The following SGCZ variants were observed in gnomAD, a reference collection of about 807,000 sequenced individuals.
SGCZ encodes the protein sarcoglycan zeta, also known as zeta-sarcoglycan.
Under a neutral mutation model 41.3 loss-of-function variants are expected in SGCZ, and 40 were observed. The ratio of observed to expected loss-of-function variants is 0.97; its 90% confidence interval spans 0.75 to 1.26. SGCZ has a LOEUF of 1.26. Among genes scored for constraint, SGCZ ranks in the 50% most tolerant of loss-of-function variants. The pLI is 0.00. For synonymous variants in SGCZ, 206 were observed against 137.5 expected, an observed-to-expected ratio of 1.50 and a Z score of -3.49; for missense variants, 552 against 369.8, an observed-to-expected ratio of 1.49 and a Z score of -4.04.
At chr8:14,311,907 C>G (rs937807716) in intron 3 of SGCZ, among the ~76,000 whole-genome samples, 3 of 152,032 alleles carry the variant, frequency 2.0e-5, no homozygotes, top group Admixed American at 6.6e-5. Flanking sequence ...GATTGCTGCT[C>G]TATAGAATAT....
At chr8:15,097,822 G>A (rs4517125) in intron 1 of SGCZ, among the ~76,000 whole-genome samples, 69,588 of 99,420 alleles carry the variant, frequency 0.7, 22,062 homozygotes, top group Middle Eastern at 0.84. Flanking sequence ...ATACGTGTGT[G>A]TATATATATA....
At chr8:14,175,861 A>G (rs1485881363) in intron 4 of SGCZ, among the ~76,000 whole-genome samples, 1 of 152,144 alleles carries the variant, frequency 6.6e-6, no homozygotes, top group African/African-American at 2.4e-5. Context: ...AAATTCAAAA[A>G]TAATTAAATT....
chr8:14,394,395 C>A (rs187019275), intron 2 of SGCZ, among the ~76,000 whole-genome samples: 10 of 152,022 alleles, frequency 6.6e-5, no homozygotes, highest in African/African-American at 2.2e-4. Context: ...GTGATCCACC[C>A]GCCTCGGCCT....
At chr8:15,152,809 C>T (rs1243866073) in intron 1 of SGCZ, among the ~76,000 whole-genome samples, 3 of 152,168 alleles carry the variant, frequency 2.0e-5, no homozygotes, top group Non-Finnish European at 4.4e-5. Context: ...AATACCTACA[C>T]CCTCCTAAGT....
chr8:14,659,289 G>C (rs548741354), intron 1 of SGCZ, among the ~76,000 whole-genome samples: 3 of 152,046 alleles, frequency 2.0e-5, no homozygotes, highest in Non-Finnish European at 4.4e-5. Flanking sequence ...TGAATATGGT[G>C]ATTAACCCGA....
intron 4 of SGCZ, among the ~76,000 whole-genome samples, chr8:14,209,908 T>G (rs985328412): frequency 1.3e-5 from 2 of 152,196 alleles, no homozygotes; most frequent in Non-Finnish European, 2.9e-5. Flanking sequence ...ATGAATTAGT[T>G]AAAATAATTC....
chr8:14,742,137 T>C (rs534871542), intron 1 of SGCZ, among the ~76,000 whole-genome samples: 1 of 152,118 alleles, frequency 6.6e-6, no homozygotes, highest in African/African-American at 2.4e-5. Flanking sequence ...ACAAGAAACA[T>C]GAGCCTAAAG....
chr8:14,127,191 A>C (rs1056616273), intron 5 of SGCZ, among the ~76,000 whole-genome samples: 1 of 152,112 alleles, frequency 6.6e-6, no homozygotes, highest in African/African-American at 2.4e-5. Context: ...TAAATAAATG[A>C]GGCTGAATTA....
At chr8:14,976,027 T>C (rs895705747) in intron 1 of SGCZ, among the ~76,000 whole-genome samples, 14 of 143,910 alleles carry the variant, frequency 9.7e-5, no homozygotes. Context: ...CACATATATA[T>C]TTTTTTTTTT....
intron 4 of SGCZ, among the ~76,000 whole-genome samples, chr8:14,226,308 T>A (rs1287266958): frequency 1.3e-5 from 2 of 152,096 alleles, no homozygotes; most frequent in Non-Finnish European, 2.9e-5. Context: ...ACATGCAGAT[T>A]GCTGTGTAAT....
chr8:14,858,770 G>A (rs1193651735), intron 1 of SGCZ, among the ~76,000 whole-genome samples: 1 of 152,058 alleles, frequency 6.6e-6, no homozygotes, highest in East Asian at 1.9e-4. Context: ...AATTTTCTAA[G>A]TAGTGACACA....
chr8:14,637,073 G>A (rs1342770151), intron 1 of SGCZ, among the ~76,000 whole-genome samples: 4 of 150,578 alleles, frequency 2.7e-5, no homozygotes, highest in African/African-American at 9.8e-5. Context: ...TTCTGGATTC[G>A]TGTTTCACTC....
intron 1 of SGCZ, among the ~76,000 whole-genome samples, chr8:15,154,630 G>A (rs1320322160): frequency 6.6e-6 from 1 of 152,184 alleles, no homozygotes; most frequent in Non-Finnish European, 1.5e-5. Flanking sequence ...TAAGTAACAG[G>A]TGATCAATAT....
intron 1 of SGCZ, among the ~76,000 whole-genome samples, chr8:15,167,354 T>C (rs866402648): frequency 2.0e-5 from 3 of 152,210 alleles, no homozygotes; most frequent in Admixed American, 6.5e-5. Flanking sequence ...CACGTCCTCA[T>C]CTACGTAGTC....
intron 1 of SGCZ, chr8:14,853,453 C>G (rs768841215): frequency 1.9e-6 from 1 of 532,648 alleles, no homozygotes; most frequent in Non-Finnish European, 3.9e-6. Flanking sequence ...TCTGACCAGG[C>G]AGTGCTGTGG....
At chr8:14,458,356 A>C (rs1365460223) in intron 2 of SGCZ, among the ~76,000 whole-genome samples, 1 of 152,330 alleles carries the variant, frequency 6.6e-6, no homozygotes, top group Non-Finnish European at 1.5e-5. Context: ...AAAGACAAAA[A>C]TGACCGTAAA....
At chr8:15,099,911 G>C (rs999377444) in intron 1 of SGCZ, among the ~76,000 whole-genome samples, 3 of 151,566 alleles carry the variant, frequency 2.0e-5, no homozygotes, top group Admixed American at 1.3e-4. Context: ...ATACTTTCAT[G>C]ATAAAAACTC....
chr8:14,255,445 T>C (rs1243798180), intron 3 of SGCZ, among the ~76,000 whole-genome samples: 1 of 152,144 alleles, frequency 6.6e-6, no homozygotes, highest in Non-Finnish European at 1.5e-5. Flanking sequence ...CTGCTTCTAA[T>C]GCCCAACACC....
intron 1 of SGCZ, among the ~76,000 whole-genome samples, chr8:15,018,456 A>C (rs1440218613): frequency 6.6e-6 from 1 of 152,224 alleles, no homozygotes; most frequent in African/African-American, 2.4e-5. Flanking sequence ...TAGTCAGGAA[A>C]TGCCTCTCTG....
Sources: allele counts gnomAD v4.1 joint callset (sites outside exome capture counted in the v4.1 genomes callset), GRCh38; gene constraint gnomAD v4.1.1; transcripts MANE v1.5; gene names NCBI Gene and HGNC (gene_info 2026-07-23, HGNC 2026-07-21).